RNLS: variants seen among roughly 807,000 people sequenced by gnomAD.
RNLS encodes the protein renalase, FAD dependent amine oxidase.
RNLS carries 39 observed loss-of-function variants against 39.8 expected under a neutral mutation model. The observed-to-expected ratio is 0.98, with a 90% CI of 0.76 to 1.28. RNLS has a LOEUF of 1.28. Among genes scored for constraint, RNLS ranks in the 50% most tolerant of loss-of-function variants. RNLS has a pLI of 0.00. For missense variants in RNLS, 410 were observed against 413.3 expected, an observed-to-expected ratio of 0.99 and a Z score of 0.07; for synonymous variants, 147 against 150.7, an observed-to-expected ratio of 0.98 and a Z score of 0.18.
chr10:88,409,794 A>AT (rs773028390), intron 4 of RNLS, among the ~76,000 whole-genome samples: 14 of 152,058 alleles, frequency 9.2e-5, no homozygotes, highest in Admixed American at 5.2e-4. Context: ...TTTATTTTTC[A>AT]TTTTTTAAGA....
At chr10:88,203,817 T>C in the RNLS span, among the ~76,000 whole-genome samples, 1 of 151,838 alleles carries the variant, frequency 6.6e-6, no homozygotes, top group African/African-American at 2.4e-5. Context: ...TAGAGATACA[T>C]GTTAGTTTTA....
At chr10:88,222,767 G>A in the RNLS span, among the ~76,000 whole-genome samples, 1 of 152,160 alleles carries the variant, frequency 6.6e-6, no homozygotes. Context: ...CTGTCCACAA[G>A]ACTGTGGGGA....
At chr10:88,288,917 A>G (rs957818382) in intron 6 of RNLS, among the ~76,000 whole-genome samples, 1 of 152,192 alleles carries the variant, frequency 6.6e-6, no homozygotes, top group Non-Finnish European at 1.5e-5. Context: ...TAATTGTCAA[A>G]GCCACAATCT....
At chr10:88,265,323 CTT>C in the RNLS span, among the ~76,000 whole-genome samples, 15,257 of 59,892 alleles carry the variant, frequency 0.25, 1,245 homozygotes, top group Non-Finnish European at 0.29. Context: ...CAGGGTTTTT[CTT>C]TTTTTTTTTT....
At chr10:88,409,767 T>A (rs555228027) in intron 4 of RNLS, among the ~76,000 whole-genome samples, 9 of 152,270 alleles carry the variant, frequency 5.9e-5, no homozygotes, top group African/African-American at 2.2e-4. Flanking sequence ...GACTGGCAAC[T>A]TTTGTTTTAA....
At chr10:88,445,226 T>C (rs771321079) in intron 4 of RNLS, among the ~76,000 whole-genome samples, 5 of 152,184 alleles carry the variant, frequency 3.3e-5, no homozygotes, top group Non-Finnish European at 7.3e-5. Context: ...CTAAGCTTCA[T>C]AAGTGAAGGA....
chr10:88,556,527 G>A (rs1205821936), intron 4 of RNLS, among the ~76,000 whole-genome samples: 2 of 152,164 alleles, frequency 1.3e-5, no homozygotes, highest in African/African-American at 4.8e-5. Flanking sequence ...ATCTGATGGA[G>A]AGTAAAATCC....
At chr10:88,578,585 TAAAC>T (rs1405200653) in intron 3 of RNLS, among the ~76,000 whole-genome samples, 1 of 152,022 alleles carries the variant, frequency 6.6e-6, no homozygotes, top group Non-Finnish European at 1.5e-5. Context: ...AGCATTAAAA[TAAAC>T]AAAGAAAAAT....
At chr10:88,180,336 G>C in the RNLS span, among the ~76,000 whole-genome samples, 3 of 152,178 alleles carry the variant, frequency 2.0e-5, no homozygotes, top group East Asian at 5.8e-4. Context: ...CAGCTGTAGA[G>C]AGTCAGTGAG....
intron 4 of RNLS, among the ~76,000 whole-genome samples, chr10:88,468,049 T>C (rs919560543): frequency 2.0e-5 from 3 of 152,064 alleles, no homozygotes; most frequent in African/African-American, 7.2e-5. Flanking sequence ...GAAATAAAAA[T>C]AGATAGGGAG....
the RNLS span, among the ~76,000 whole-genome samples, chr10:88,236,902 A>T: frequency 6.6e-6 from 1 of 152,148 alleles, no homozygotes; most frequent in Non-Finnish European, 1.5e-5. Flanking sequence ...TTTGTTGTTC[A>T]TTGGAAGCAC....
chr10:88,453,096 C>T (rs1842444122), intron 4 of RNLS, among the ~76,000 whole-genome samples: 1 of 152,142 alleles, frequency 6.6e-6, no homozygotes, highest in African/African-American at 2.4e-5. Flanking sequence ...GGAGCTGTAG[C>T]TCATCTCACT....
At chr10:88,516,899 C>G (rs1350505985) in intron 4 of RNLS, among the ~76,000 whole-genome samples, 5 of 151,972 alleles carry the variant, frequency 3.3e-5, no homozygotes, top group Admixed American at 1.3e-4. Context: ...CTTTGACAAA[C>G]TGTTCATTTT....
intron 4 of RNLS, among the ~76,000 whole-genome samples, chr10:88,533,900 C>G (rs1227697018): frequency 6.6e-6 from 1 of 151,970 alleles, no homozygotes; most frequent in East Asian, 1.9e-4. Context: ...CACGGAAAGC[C>G]TTGGGGTAGA....
intron 4 of RNLS, among the ~76,000 whole-genome samples, chr10:88,495,930 A>G (rs530388279): frequency 5.6e-4 from 86 of 152,280 alleles, no homozygotes; most frequent in Non-Finnish European, 1.0e-3. Flanking sequence ...GACAGAACAT[A>G]TTTGAAAAAC....
chr10:88,267,981 A>AT, the RNLS span, among the ~76,000 whole-genome samples: 1 of 152,166 alleles, frequency 6.6e-6, no homozygotes, highest in Non-Finnish European at 1.5e-5. Context: ...TTGGTGTAAG[A>AT]TTTTTTCATA....
intron 4 of RNLS, among the ~76,000 whole-genome samples, chr10:88,449,258 C>A (rs1039415652): frequency 6.6e-6 from 1 of 152,320 alleles, no homozygotes; most frequent in Middle Eastern, 3.4e-3. Flanking sequence ...TCTCCACTGC[C>A]TTCCTCTCTG....
At chr10:88,387,682 C>T (rs1171229944) in intron 4 of RNLS, among the ~76,000 whole-genome samples, 2 of 152,054 alleles carry the variant, frequency 1.3e-5, no homozygotes, top group South Asian at 2.1e-4. Flanking sequence ...ATGGCATGCC[C>T]CAGGTCACCC....
intron 4 of RNLS, among the ~76,000 whole-genome samples, chr10:88,527,820 T>G (rs914355375): frequency 6.7e-6 from 1 of 149,062 alleles, no homozygotes. Flanking sequence ...AAAAAAGGAA[T>G]TGAAAGAAAA....
Sources: allele counts gnomAD v4.1 joint callset (sites outside exome capture counted in the v4.1 genomes callset), GRCh38; gene constraint gnomAD v4.1.1; transcripts MANE v1.5; gene names NCBI Gene and HGNC (gene_info 2026-07-23, HGNC 2026-07-21).